The following DAPK2 variants were observed in gnomAD, a reference collection of about 807,000 sequenced individuals.
DAPK2 encodes death-associated protein kinase 2.
Under a neutral mutation model 44.1 loss-of-function variants are expected in DAPK2, and 35 were observed. The ratio of observed to expected loss-of-function variants is 0.79; its 90% CI spans 0.61 to 1.05. The LOEUF (loss-of-function observed/expected upper bound fraction) is 1.05, where lower values mean the gene tolerates loss of function less well. DAPK2 is among the 50% of genes least tolerant of loss of function. The probability of loss-of-function intolerance (pLI) is 0.00; values close to 1 mark genes in which losing one functional copy is unlikely to be tolerated. For synonymous variants in DAPK2, 174 were observed against 182.6 expected, an observed-to-expected ratio of 0.95 and a Z score of 0.38; for missense variants, 453 against 483.2, an observed-to-expected ratio of 0.94 and a Z score of 0.59.
At position 63,923,497 on chromosome 15, in the gene DAPK2, T is replaced by C. The variant is rs2079147784; in HGVS notation, c.858+1319A>G. On this transcript the variant is annotated intron_variant, in intron 8 of 10. Transcript: ENST00000261891. This position sits in a 1 kb window ranked among gnomAD's most constrained non-coding sequence, Gnocchi z 4.2. ...AACCAGGGTGGGATGAGCACCTCCTTAGGCCATAAGTGAGGTCAAGGAGTG... is the reference window on the plus strand; with the variant it reads ...AACCAGGGTGGGATGAGCACCTCCTCAGGCCATAAGTGAGGTCAAGGAGTG... Among the ~76,000 whole-genome samples the C allele has an allele frequency of 6.6e-6, 1 of 152,164 alleles. No homozygotes were observed.
rs542761141 is a variant in DAPK2, at chr15:64,012,396, T to C, written c.92+27774A>G. On this transcript the variant is annotated intron_variant, in intron 1 of 10. Coordinates refer to ENST00000261891, the Ensembl canonical transcript of DAPK2. Reference sequence around the variant, plus strand: ...CCAGTACAAGGGTGACACAAGAGTTTGTCTTGTTTACAGTTAAATCCTTAG... The same window carrying C: ...CCAGTACAAGGGTGACACAAGAGTTCGTCTTGTTTACAGTTAAATCCTTAG... Among the ~76,000 whole-genome samples the C allele has an allele frequency of 7.2e-5, 11 of 152,370 alleles. No individual in the cohort carries two copies. The South Asian group carries it at 1.9e-3, about 26-fold the overall frequency.
At chr15:63,960,105 T>A (rs1226325411) in intron 3 of DAPK2, among the ~76,000 whole-genome samples, 1 of 152,200 alleles carries the variant, frequency 6.6e-6, no homozygotes, top group Non-Finnish European at 1.5e-5. Flanking sequence ...GTCCAGGAAT[T>A]TATCCATTTC....
intron 1 of DAPK2, among the ~76,000 whole-genome samples, chr15:64,009,534 T>A (rs2079329380): frequency 6.6e-6 from 1 of 151,902 alleles, no homozygotes; most frequent in South Asian, 2.1e-4. Flanking sequence ...CCCAACACAC[T>A]CATTTCCACC....
intron 4 of DAPK2, chr15:63,935,510 T>C (rs1453089224): frequency 1.3e-5 from 2 of 152,250 alleles, no homozygotes; most frequent in African/African-American, 4.8e-5. Flanking sequence ...TTGAGAAATA[T>C]GCTGTAGATC....
rs967748356 is a variant in DAPK2, at chr15:64,020,904, G to A, written c.92+19266C>T. Among the ~76,000 whole-genome samples, 1 of 152,224 alleles carries A rather than the reference G, an allele frequency of 6.6e-6. No homozygotes were observed. Among genetic ancestry groups the A allele is most frequent in the African/African-American group, 2.4e-5 (1 of 41,460 alleles). On this transcript the variant is annotated intron_variant, in intron 1 of 10. Coordinates refer to ENST00000261891, the Ensembl canonical transcript of DAPK2. This position sits in a 1 kb window ranked among gnomAD's most constrained non-coding sequence, Gnocchi z 4.5. Reference sequence around the variant, plus strand: ...CAGGTCTCACTTCTGCCACCAAAATGCCTTGTGACCCAGAGACAGAAAGTG... The same window carrying A: ...CAGGTCTCACTTCTGCCACCAAAATACCTTGTGACCCAGAGACAGAAAGTG...
At chr15:63,941,990 A>G (rs1290929583) in intron 3 of DAPK2, among the ~76,000 whole-genome samples, 1 of 152,218 alleles carries the variant, frequency 6.6e-6, no homozygotes, top group African/African-American at 2.4e-5. Flanking sequence ...CTCCAGGGAA[A>G]AGACAGTGAG....
intron 1 of DAPK2, 146 bp from the exon 3 acceptor site, chr15:63,983,900 G>A: frequency 1.3e-6 from 1 of 746,316 alleles, no homozygotes; most frequent in East Asian, 2.7e-5. Flanking sequence ...CCCACCTGAT[G>A]ACAACCTGTG....
intron 4 of DAPK2, among the ~76,000 whole-genome samples, chr15:63,930,854 T>A (rs1426601478): frequency 6.6e-6 from 1 of 151,350 alleles, no homozygotes; most frequent in Admixed American, 6.6e-5. Context: ...AGCCCAGGAG[T>A]TGGAGACCAG....
upstream of DAPK2, chr15:64,040,381 A>G (rs1046186449): frequency 3.9e-6 from 3 of 776,520 alleles, no homozygotes; most frequent in African/African-American, 5.1e-5. Flanking sequence ...GTAATAATCC[A>G]CAGCCTTGGT....
upstream of DAPK2, among the ~76,000 whole-genome samples, chr15:64,043,133 A>G (rs145383869): frequency 1.3e-3 from 199 of 152,328 alleles, 1 homozygote; most frequent in African/African-American, 4.3e-3. Context: ...TCCATGGAAA[A>G]TGAACGTAAG....
At position 63,939,500 on chromosome 15, in the gene DAPK2, C is replaced by T. The variant is rs1595759829; in HGVS notation, c.454-139G>A. The T allele has an allele frequency of 1.3e-6, 1 of 755,822 alleles. No homozygotes were observed. The highest frequency in any genetic ancestry group is 2.7e-5 in the East Asian group (1 of 36,534). The allele number at this position is 755,822 out of a possible 1,614,324, so 46.8% of individuals were successfully genotyped here. Reference sequence around the variant, plus strand: ...TGTTCTTTTTAGGAGACTGAAACAGCATAAACTCTTCCTTGTTTTTGGTCC... The same window carrying T: ...TGTTCTTTTTAGGAGACTGAAACAGTATAAACTCTTCCTTGTTTTTGGTCC... On this transcript the variant is annotated intron_variant, in intron 3 of 10. Transcript: ENST00000261891. This position sits in a 1 kb window ranked among gnomAD's most constrained non-coding sequence, Gnocchi z 4.3.
intron 3 of DAPK2, among the ~76,000 whole-genome samples, chr15:63,944,999 C>T (rs937352943): frequency 1.3e-5 from 2 of 152,126 alleles, no homozygotes; most frequent in Non-Finnish European, 2.9e-5. Context: ...GAGCCTCTTC[C>T]CCCTCAACCC....
chr15:63,965,067 G>A (rs909962164), intron 3 of DAPK2, among the ~76,000 whole-genome samples: 3 of 152,116 alleles, frequency 2.0e-5, no homozygotes, highest in South Asian at 2.1e-4. Context: ...TTCAGTCTTC[G>A]TTTGTTTGTA....
rs573213355 is a variant in DAPK2 at position 63,929,450 on chromosome 15, G to A, written c.659+101C>T. The A allele has an allele frequency of 2.9e-4, 426 of 1,451,410 alleles. No individual in the cohort carries two copies. The African/African-American group carries it at 5.3e-3, about 18-fold the overall frequency. The allele number at this position is 1,451,410 out of a possible 1,614,324, so 89.9% of individuals were successfully genotyped here. On this transcript the variant is annotated intron_variant, in intron 6 of 10. Transcript: ENST00000261891. ...GACTTAACACATCTGGATTATGGTGGGTGCTTAGTAAATGTCAGTCTATCA... is the reference window on the plus strand; with the variant it reads ...GACTTAACACATCTGGATTATGGTGAGTGCTTAGTAAATGTCAGTCTATCA...
intron 1 of DAPK2, among the ~76,000 whole-genome samples, chr15:64,016,862 AGG>A (rs1567275725): frequency 4.3e-4 from 60 of 139,286 alleles, no homozygotes; most frequent in Non-Finnish European, 7.7e-4. Flanking sequence ...GAAGGAAGGA[AGG>A]AAGGAAGGAA....
At chr15:63,959,550 A>T in intron 3 of DAPK2, among the ~76,000 whole-genome samples, 1 of 152,164 alleles carries the variant, frequency 6.6e-6, no homozygotes, top group East Asian at 1.9e-4. Flanking sequence ...GTTTATTGAG[A>T]GTTTTTAGCA....
intron 1 of DAPK2, among the ~76,000 whole-genome samples, chr15:63,997,890 G>C (rs1209575411): frequency 1.3e-5 from 2 of 152,302 alleles, no homozygotes; most frequent in East Asian, 3.9e-4. Context: ...CATCATCAGT[G>C]AGACAGGAAT....
At chr15:63,965,551 TC>T (rs1317474617) in intron 3 of DAPK2, among the ~76,000 whole-genome samples, 4 of 151,968 alleles carry the variant, frequency 2.6e-5, no homozygotes, top group Non-Finnish European at 5.9e-5. Flanking sequence ...GTGGTGAGCT[TC>T]CCCCCCTTGG....
intron 4 of DAPK2, among the ~76,000 whole-genome samples, chr15:63,931,762 G>C (rs2076959266): frequency 6.6e-6 from 1 of 152,180 alleles, no homozygotes; most frequent in Admixed American, 6.5e-5. Context: ...GAGACTAGGA[G>C]AGATGGCTCT....
Sources: gnomAD v4.1 joint callset for allele counts (sites outside exome capture counted in the v4.1 genomes callset) on GRCh38, gnomAD v4.1.1 for gene constraint, Gnocchi (gnomAD v3.1) non-coding constraint, MANE v1.5 for transcripts, NCBI Gene and HGNC (gene_info 2026-07-23, HGNC 2026-07-21) for gene names.